The following TLK1 variants were observed in gnomAD, a reference collection of about 807,000 sequenced individuals.
TLK1 encodes serine/threonine-protein kinase tousled-like 1.
In TLK1, 24 loss-of-function variants were observed where a neutral mutation model predicts 105.3. The ratio of observed to expected loss-of-function variants is 0.23; its 90% CI spans 0.17 to 0.32. The LOEUF (loss-of-function observed/expected upper bound fraction) is 0.32, where lower values mean the gene tolerates loss of function less well. Among genes scored for constraint, TLK1 ranks in the 10% least tolerant of loss-of-function variants. TLK1 has a pLI of 1.00. For missense variants in TLK1, 558 were observed against 910.5 expected, an observed-to-expected ratio of 0.61 and a Z score of 4.98; for synonymous variants, 321 against 310.4, an observed-to-expected ratio of 1.03 and a Z score of -0.36.
chr2:171,059,444 A>G (rs932476497), intron 4 of TLK1, among the ~76,000 whole-genome samples: 1 of 152,062 alleles, frequency 6.6e-6, no homozygotes, highest in African/African-American at 2.4e-5. Context: ...TAGAAATCCA[A>G]TTTTGTTCAA....
chr2:171,061,394 T>G (rs894326946), intron 3 of TLK1, among the ~76,000 whole-genome samples: 1 of 152,204 alleles, frequency 6.6e-6, no homozygotes. Context: ...GTTACAGAAT[T>G]TGACATGAAG....
At chr2:171,144,747 TAAG>T (rs1371531967) in intron 1 of TLK1, among the ~76,000 whole-genome samples, 1 of 151,844 alleles carries the variant, frequency 6.6e-6, no homozygotes, top group Non-Finnish European at 1.5e-5. Context: ...GAACTTGAGA[TAAG>T]AAAAGGCTTC....
intron 2 of TLK1, among the ~76,000 whole-genome samples, chr2:171,111,174 T>C (rs1248096420): frequency 1.3e-5 from 2 of 151,912 alleles, no homozygotes; most frequent in Admixed American, 6.6e-5. Context: ...AGAAAGAAAA[T>C]AACAAAGGAG....
chr2:171,045,047 A>C (rs1461143108), intron 11 of TLK1, among the ~76,000 whole-genome samples: 1 of 151,962 alleles, frequency 6.6e-6, no homozygotes, highest in Non-Finnish European at 1.5e-5. Context: ...AGAGTTTTTT[A>C]ATGGTTTTGC....
intron 16 of TLK1, 75 bp from the exon 17 acceptor site, chr2:171,006,718 G>C: frequency 6.3e-7 from 1 of 1,592,272 alleles, no homozygotes; most frequent in Non-Finnish European, 8.6e-7. Flanking sequence ...GAAATGGAGA[G>C]TATTTATATC....
At position 171,006,623 on chromosome 2, in the gene TLK1, T is replaced by C; in HGVS notation, c.1619A>G (p.Tyr540Cys). The change falls in exon 17 of 21, where the codon TAC (tyrosine) becomes TGC (cysteine). Residue 540 changes from tyrosine (Y) to cysteine (C), a missense_variant. Transcript: ENST00000431350. The stretch of plus-strand genomic sequence containing the variant: ...GAAATCCAAGTCATTGCCTTCACAG[T>C]ATTCTAACACTGTACAAAACCTACA... ...DTDTFCTVLE[Y>C]CEGNDLDFYL... 5.0e-6 allele frequency: 8 copies of C among 1,612,564 alleles called. No individual in the cohort carries two copies. The highest frequency in any genetic ancestry group is 6.8e-6 in the Non-Finnish European group (8 of 1,179,704).
intron 1 of TLK1, among the ~76,000 whole-genome samples, chr2:171,181,942 G>A (rs1204203677): frequency 6.6e-6 from 1 of 152,160 alleles, no homozygotes; most frequent in Non-Finnish European, 1.5e-5. Flanking sequence ...CCATCTCTTC[G>A]ATCCTACTCT....
chr2:170,992,237 G>A lies in TLK1; in HGVS notation c.*1543C>T, dbSNP rs539959137. The stretch of plus-strand genomic sequence containing the variant: ...TACAATTTCAGCAGCATTTTAAAGA[G>A]ACAATGTGTCTATGTACAATGAAAA... On this transcript the variant is annotated 3_prime_UTR_variant, in exon 21 of 21. Transcript: ENST00000431350. The A allele has an allele frequency of 1.3e-5, 2 of 152,208 alleles. No individual in the cohort carries two copies. Among genetic ancestry groups the A allele is most frequent in the African/African-American group, 4.8e-5 (2 of 41,542 alleles). 9.4% of individuals were successfully genotyped at this position (152,208 alleles called of 1,614,324 possible). A position where few individuals can be genotyped will look rare whatever the true frequency, so the allele number is the denominator to read the frequency against.
At chr2:171,130,806 T>C (rs1691074932) in intron 1 of TLK1, among the ~76,000 whole-genome samples, 1 of 152,120 alleles carries the variant, frequency 6.6e-6, no homozygotes, top group African/African-American at 2.4e-5. Context: ...TTATCCTGCT[T>C]GATGAAAACT....
In TLK1 at chr2:171,096,045, A is replaced by G. The variant is rs532647947; in HGVS notation, c.259-13193T>C. ...AATCAGGCTAAAGGAAAGAAAAAAA[A>G]AGAATACAAGCCATCCATGTCAGAA... On this transcript the variant is annotated intron_variant, in intron 2 of 20. Coordinates refer to ENST00000431350, the MANE Select transcript of TLK1 (RefSeq NM_012290.5). Among the ~76,000 whole-genome samples, 4 of 152,298 alleles carry G rather than the reference A, an allele frequency of 2.6e-5. No homozygotes were observed. The South Asian group carries it at 8.3e-4, about 32-fold the overall frequency.
At chr2:171,107,954 G>A (rs1228334040) in intron 2 of TLK1, among the ~76,000 whole-genome samples, 1 of 151,924 alleles carries the variant, frequency 6.6e-6, no homozygotes, top group Non-Finnish European at 1.5e-5. Context: ...CTACTCAGGA[G>A]GCTTACGCAT....
chr2:171,134,993 A>G (rs1242791872), intron 1 of TLK1, among the ~76,000 whole-genome samples: 1 of 152,184 alleles, frequency 6.6e-6, no homozygotes, highest in Non-Finnish European at 1.5e-5. Flanking sequence ...ACAGAAAGAC[A>G]AATACCACAT....
chr2:171,020,047 G>A (rs1685416188), intron 12 of TLK1, among the ~76,000 whole-genome samples: 1 of 137,700 alleles, frequency 7.3e-6, no homozygotes, highest in Non-Finnish European at 1.6e-5. Context: ...GGGTGACAGA[G>A]TAAGACTCCG....
At chr2:171,130,443 T>C (rs780718060) in intron 1 of TLK1, among the ~76,000 whole-genome samples, 1 of 151,994 alleles carries the variant, frequency 6.6e-6, no homozygotes, top group Non-Finnish European at 1.5e-5. Flanking sequence ...CATCACAGGG[T>C]TGTTCACAGG....
intron 1 of TLK1, among the ~76,000 whole-genome samples, chr2:171,167,373 A>C (rs768652185): frequency 5.9e-5 from 9 of 152,204 alleles, no homozygotes; most frequent in Non-Finnish European, 1.0e-4. Context: ...AAAGGTATGA[A>C]TATAGATCAG....
chr2:171,120,521 C>G (rs1353520656), intron 1 of TLK1, among the ~76,000 whole-genome samples: 1 of 151,898 alleles, frequency 6.6e-6, no homozygotes, highest in Non-Finnish European at 1.5e-5. Context: ...TGCAAATGAC[C>G]AATAAGCACA....
rs377035987 is a variant in TLK1 at position 171,134,571 on chromosome 2, C to A, written c.140-16714G>T. ...TCCCATTTCTATATATCCAAAGAAA[C>A]TGAAATCATTATGTTAAGGAGATAT... On this transcript the variant is annotated intron_variant, in intron 1 of 20. Coordinates refer to ENST00000431350, the MANE Select transcript of TLK1 (RefSeq NM_012290.5). Among the ~76,000 whole-genome samples, 8 of 151,696 alleles carry A rather than the reference C, an allele frequency of 5.3e-5. No individual in the cohort carries two copies. In the East Asian group the frequency reaches 9.7e-4, roughly 18 times the overall value.
At chr2:171,117,213 G>A (rs1214570781) in intron 2 of TLK1, among the ~76,000 whole-genome samples, 1 of 152,108 alleles carries the variant, frequency 6.6e-6, no homozygotes, top group African/African-American at 2.4e-5. Flanking sequence ...TGGATCCCTT[G>A]CATGTGCACA....
chr2:171,177,164 C>T (rs1037586722), intron 1 of TLK1, among the ~76,000 whole-genome samples: 1 of 141,850 alleles, frequency 7.0e-6, no homozygotes, highest in African/African-American at 2.6e-5. Context: ...TTTTTTGAGA[C>T]AGGGTCTCAC....
Sources: allele counts gnomAD v4.1 joint callset (sites outside exome capture counted in the v4.1 genomes callset), GRCh38; gene constraint gnomAD v4.1.1; transcripts MANE v1.5; gene names NCBI Gene and HGNC (gene_info 2026-07-23, HGNC 2026-07-21).